The following NFASC variants were observed in gnomAD, a reference collection of about 807,000 sequenced individuals.
NFASC encodes the protein neurofascin, also known as neurofascin homolog.
A neutral mutation model predicts 147.5 loss-of-function variants in NFASC; 43 were observed. That is an observed-to-expected ratio of 0.29 (90% confidence interval 0.23 to 0.38). The LOEUF (loss-of-function observed/expected upper bound fraction) is 0.38. Ranked by LOEUF, NFASC falls within the 10% of genes least tolerant of loss-of-function variation. NFASC has a pLI of 1.00. For missense variants in NFASC, 1,320 were observed against 1,689.0 expected (o/e 0.78, Z 3.83); for synonymous variants, 622 against 665.5 (o/e 0.93, Z 1.01).
chr1:204,919,243 T>G (rs985023871), intron 1 of NFASC, among the ~76,000 whole-genome samples: 15 of 152,124 alleles, frequency 9.9e-5, no homozygotes, highest in Admixed American at 2.6e-4. Flanking sequence ...CAGGGTAGTC[T>G]CAAACTCCTG....
intron 20 of NFASC, 104 bp from the exon 21 acceptor site, chr1:204,981,694 G>A: frequency 1.4e-6 from 1 of 694,424 alleles, no homozygotes; most frequent in Non-Finnish European, 2.4e-6. Flanking sequence ...GCCAGTGTTG[G>A]GCACATCTGG....
At chr1:204,955,395 G>A (rs1323091105) in intron 7 of NFASC, among the ~76,000 whole-genome samples, 1 of 152,090 alleles carries the variant, frequency 6.6e-6, no homozygotes, top group Non-Finnish European at 1.5e-5. Flanking sequence ...TTTTCCAATT[G>A]GCCAATTGAA....
At chr1:204,937,153 T>TAAAAA (rs111700110) in intron 2 of NFASC, among the ~76,000 whole-genome samples, 1 of 147,576 alleles carries the variant, frequency 6.8e-6, no homozygotes, top group South Asian at 2.1e-4. Context: ...TTTCTTTCTT[T>TAAAAA]AAAAAAAAAA....
In NFASC at chr1:204,997,423, A is replaced by G. The variant is rs2095869718; in HGVS notation, c.3019+17A>G. On this transcript the variant is annotated intron_variant, in intron 25 of 29. Coordinates refer to ENST00000339876, the MANE Select transcript of NFASC (RefSeq NM_001005388.3). ...ACGAATCCGGTACTGCGCATCGCCC[A>G]TGCTCCCCATCCCCTCCTGGCCCGC... The G allele has an allele frequency of 6.4e-7, 1 of 1,551,482 alleles. No homozygotes were observed. The highest frequency in any genetic ancestry group is 2.4e-5 in the East Asian group (1 of 40,892).
At chr1:204,892,405 G>A (rs1465864603) in intron 1 of NFASC, among the ~76,000 whole-genome samples, 1 of 152,232 alleles carries the variant, frequency 6.6e-6, no homozygotes, top group Admixed American at 6.5e-5. Flanking sequence ...GCTGGGCTCT[G>A]TTGGGAGATT....
In NFASC at chr1:204,972,012, G is replaced by A. The variant is rs56879424; in HGVS notation, c.1136-1264G>A. 8.2e-3 allele frequency among the ~76,000 whole-genome samples: 1,248 copies of A among 152,340 alleles called. 8 individuals are homozygous for A. The highest frequency in any genetic ancestry group is 0.029 in the African/African-American group (1,191 of 41,572). ...TGACTGGGGGGATTATTGGTTGCAC[G>A]AGAATTTGCCAGGCAAGGAGGTGTA... On this transcript the variant is annotated intron_variant, in intron 11 of 29. Transcript: ENST00000339876.
rs1434396775 is a variant in NFASC, at chr1:204,991,284, T to C, written c.2768-8T>C. The C allele has an allele frequency of 1.2e-6, 2 of 1,612,888 alleles. No individual in the cohort carries two copies. The highest frequency in any genetic ancestry group is 2.7e-5 in the African/African-American group (2 of 74,936). On this transcript the variant is annotated splice_polypyrimidine_tract_variant and splice_region_variant and intron_variant, in intron 23 of 29. Transcript: ENST00000339876. ...CTGTCTGGCCATCTTGGGCGCTGTG[T>C]TCTGAAGCTACTCCAACCGCAGGTA...
rs1470898796 is a variant in NFASC, at chr1:204,988,771, C to G, written c.2732C>G (p.Ala911Gly). ...AGGACGCAGGTGGGCTCTGGGGAAG[C>G]CGTCACAGAGGAGTCACCAGCACCC... ...SARTQVGSGE[A>G]VTEESPAPPN... The change falls in exon 23 of 30, where the codon GCC (alanine) becomes GGC (glycine). Residue 911 changes from alanine to glycine, a missense_variant. Physicochemically the swap from Ala to Gly is moderately conservative, Grantham distance 60. Transcript: ENST00000339876. 1.9e-6 allele frequency: 3 copies of G among 1,613,952 alleles called. No homozygotes were observed. Among genetic ancestry groups the G allele is most frequent in the Admixed American group, 1.7e-5 (1 of 60,000 alleles).
Position 204,954,106 on chromosome 1 carries a change from A to C in NFASC, c.216-82A>C, listed in dbSNP as rs1317194401. 4.6e-6 allele frequency: 6 copies of C among 1,302,348 alleles called. No individual in the cohort carries two copies. Among genetic ancestry groups the C allele is most frequent in the African/African-American group, 1.5e-5 (1 of 68,534 alleles). 80.7% of individuals were successfully genotyped at this position (1,302,348 alleles called of 1,614,324 possible). ...AGAGAGGGAATTTTGGTACTGAGCC[A>C]GGGACTAGGGATCTGAGATCTGCCT... On this transcript the variant is annotated intron_variant, in intron 5 of 29. Transcript: ENST00000339876. This position sits in a 1 kb window ranked among gnomAD's most constrained non-coding sequence, Gnocchi z 5.7.
At chr1:204,900,771 T>C (rs1186832677) in intron 1 of NFASC, among the ~76,000 whole-genome samples, 1 of 152,028 alleles carries the variant, frequency 6.6e-6, no homozygotes, top group African/African-American at 2.4e-5. Context: ...GGGAGAAATA[T>C]AGGCTAGCAG....
At chr1:205,004,464 C>T (rs1418297523) in intron 27 of NFASC, among the ~76,000 whole-genome samples, 1 of 152,238 alleles carries the variant, frequency 6.6e-6, no homozygotes, top group African/African-American at 2.4e-5. Flanking sequence ...GGCAAGTCTT[C>T]CCAGACTCCT....
At chr1:204,837,919 TGTAA>T (rs2102442924) in intron 1 of NFASC, among the ~76,000 whole-genome samples, 1 of 152,320 alleles carries the variant, frequency 6.6e-6, no homozygotes, top group Admixed American at 6.5e-5. Context: ...TTTGTAGCCT[TGTAA>T]GTTTTGCCTT....
intron 1 of NFASC, among the ~76,000 whole-genome samples, chr1:204,843,483 T>C (rs1353550784): frequency 6.6e-6 from 1 of 152,214 alleles, no homozygotes; most frequent in Non-Finnish European, 1.5e-5. Flanking sequence ...TTTCTCTGTG[T>C]GTCACTCAGA....
chr1:204,987,104 G>A lies in NFASC; in HGVS notation c.2471-314G>A, dbSNP rs1239833032. On this transcript the variant is annotated intron_variant, in intron 21 of 29. Coordinates refer to ENST00000339876, the MANE Select transcript of NFASC (RefSeq NM_001005388.3). The surrounding 1 kb of genome is among the most constrained non-coding windows in gnomAD (Gnocchi z 4.4). ...AGGAATGGCTCTGCCCAATTTCGAGGTATCTTTGCAGAATCAGAGCCTAAC... is the reference window on the plus strand; with the variant it reads ...AGGAATGGCTCTGCCCAATTTCGAGATATCTTTGCAGAATCAGAGCCTAAC... 3.9e-5 allele frequency: 15 copies of A among 385,252 alleles called. No individual in the cohort carries two copies. Among genetic ancestry groups the A allele is most frequent in the Non-Finnish European group, 6.2e-5 (13 of 211,378 alleles). The allele number at this position is 385,252 out of a possible 1,614,324, so 23.9% of individuals were successfully genotyped here. A position where few individuals can be genotyped will look rare whatever the true frequency, so the allele number is the denominator to read the frequency against.
intron 1 of NFASC, among the ~76,000 whole-genome samples, chr1:204,907,520 C>T (rs1419333073): frequency 1.3e-5 from 2 of 152,198 alleles, no homozygotes; most frequent in African/African-American, 2.4e-5. Context: ...GATGCATGTT[C>T]GACCCTGGGT....
At chr1:205,009,433 G>C (rs773286685) in intron 27 of NFASC, 124 bp from the exon 28 acceptor site, 4 of 1,031,288 alleles carry the variant, frequency 3.9e-6, no homozygotes, top group Non-Finnish European at 4.6e-6. Context: ...GGGCTGCTAG[G>C]TGGTAGTGTT....
chr1:204,849,891 G>A (rs978296938), intron 1 of NFASC, among the ~76,000 whole-genome samples: 1 of 152,192 alleles, frequency 6.6e-6, no homozygotes, highest in Non-Finnish European at 1.5e-5. Context: ...ATCCATGTAT[G>A]TATCCAAGAA....
At position 204,868,954 on chromosome 1, in the gene NFASC, G is replaced by A. The variant is rs774944804; in HGVS notation, c.-200+40172G>A. 9.8e-5 allele frequency among the ~76,000 whole-genome samples: 15 copies of A among 152,304 alleles called. No homozygotes were observed. In the South Asian group the frequency reaches 1.2e-3, roughly 13 times the overall value. ...TCTTCCGGGGCAGAACTTTGCCCCT[G>A]ACCTGGGCTGCTCACTCTGTTCTGG... On this transcript the variant is annotated intron_variant, in intron 1 of 29. Transcript: ENST00000339876.
intron 1 of NFASC, among the ~76,000 whole-genome samples, chr1:204,891,395 T>C (rs1207117771): frequency 1.3e-5 from 2 of 152,178 alleles, no homozygotes. Context: ...TTTCAAACCA[T>C]GGGTCATTAA....
Sources: gnomAD v4.1 joint callset for allele counts (sites outside exome capture counted in the v4.1 genomes callset) on GRCh38, gnomAD v4.1.1 for gene constraint, Gnocchi (gnomAD v3.1) non-coding constraint, MANE v1.5 for transcripts, NCBI Gene and HGNC (gene_info 2026-07-23, HGNC 2026-07-21) for gene names.